The following NELL1 variants were observed in gnomAD, a reference collection of about 807,000 sequenced individuals.
The protein encoded by NELL1 is neural EGFL like 1.
A neutral mutation model predicts 107.4 loss-of-function variants in NELL1; 76 were observed. The observed-to-expected ratio is 0.71, with a 90% CI of 0.59 to 0.86. The LOEUF (loss-of-function observed/expected upper bound fraction) is 0.86. Among genes scored for constraint, NELL1 ranks in the 40% least tolerant of loss-of-function variants. The pLI is 0.00. For synonymous variants in NELL1, 353 were observed against 341.2 expected (o/e 1.03, Z -0.38); for missense variants, 1,024 against 1,005.5 (o/e 1.02, Z -0.25).
chr11:20,827,220 C>T (rs1750222804), intron 3 of NELL1, among the ~76,000 whole-genome samples: 1 of 151,178 alleles, frequency 6.6e-6, no homozygotes, highest in African/African-American at 2.4e-5. Flanking sequence ...ATTGGAAGAG[C>T]CTGAGTGACC....
At chr11:20,701,138 G>A (rs951175173) in intron 2 of NELL1, among the ~76,000 whole-genome samples, 3 of 152,148 alleles carry the variant, frequency 2.0e-5, no homozygotes, top group Non-Finnish European at 2.9e-5. Flanking sequence ...GTGTAAAAGT[G>A]TTCCTATTTC....
At chr11:21,488,075 A>G (rs1368480453) in intron 15 of NELL1, among the ~76,000 whole-genome samples, 1 of 149,990 alleles carries the variant, frequency 6.7e-6, no homozygotes, top group African/African-American at 2.4e-5. Flanking sequence ...ACTTCAGTTC[A>G]GAAATACTTT....
chr11:21,433,043 C>T (rs1462590779), intron 15 of NELL1, among the ~76,000 whole-genome samples: 1 of 152,138 alleles, frequency 6.6e-6, no homozygotes, highest in Non-Finnish European at 1.5e-5. Flanking sequence ...CCTATAATGA[C>T]CATAATTTTA....
chr11:20,829,223 A>ATTT (rs758970966), intron 3 of NELL1, among the ~76,000 whole-genome samples: 95 of 118,838 alleles, frequency 8.0e-4, no homozygotes, highest in African/African-American at 1.6e-3. Flanking sequence ...CTGCAGGACT[A>ATTT]TTTTTTTTTT....
rs188889169 is a variant in NELL1 at position 20,783,051 on chromosome 11, C to T, written c.185-629C>T. Among the ~76,000 whole-genome samples, 34 of 152,262 alleles carry T rather than the reference C, an allele frequency of 2.2e-4. No individual in the cohort carries two copies. In the South Asian group the frequency reaches 2.3e-3, roughly 10 times the overall value. Reference sequence around the variant, plus strand: ...CATGCTTATGGAGAAATTCCAGGCACGGGTGTGGAGCATGAGCATGCCTTG... The same window carrying T: ...CATGCTTATGGAGAAATTCCAGGCATGGGTGTGGAGCATGAGCATGCCTTG... On this transcript the variant is annotated intron_variant, in intron 2 of 19. Transcript: ENST00000357134.
chr11:21,344,033 C>G (rs1046741194), intron 14 of NELL1, among the ~76,000 whole-genome samples: 19 of 152,144 alleles, frequency 1.2e-4, no homozygotes, highest in African/African-American at 4.6e-4. Context: ...AGATGTGCCC[C>G]ATTTGAAGAA....
intron 2 of NELL1, among the ~76,000 whole-genome samples, chr11:20,772,344 T>C (rs1856657046): frequency 6.6e-6 from 1 of 152,142 alleles, no homozygotes; most frequent in African/African-American, 2.4e-5. Context: ...CACAATAAGC[T>C]ACAAAGTTGG....
chr11:21,132,679 C>T (rs531021623), intron 13 of NELL1, among the ~76,000 whole-genome samples: 1 of 151,678 alleles, frequency 6.6e-6, no homozygotes, highest in Non-Finnish European at 1.5e-5. Context: ...CACAGAGCCC[C>T]AAAGAAGATG....
intron 15 of NELL1, among the ~76,000 whole-genome samples, chr11:21,479,221 AAG>A (rs962310054): frequency 6.6e-6 from 1 of 150,594 alleles, no homozygotes; most frequent in African/African-American, 2.4e-5. Context: ...CTGTCCATCA[AAG>A]AGATATCTAC....
intron 2 of NELL1, among the ~76,000 whole-genome samples, chr11:20,690,068 G>A (rs1231549869): frequency 5.3e-5 from 8 of 152,126 alleles, no homozygotes; most frequent in Admixed American, 2.0e-4. Context: ...GTGTCTTCTG[G>A]CTGCATAAAT....
At chr11:21,447,502 C>G (rs145223384) in intron 15 of NELL1, among the ~76,000 whole-genome samples, 79 of 152,244 alleles carry the variant, frequency 5.2e-4, no homozygotes, top group African/African-American at 1.8e-3. Flanking sequence ...TGAATAATGC[C>G]AGGACTGGGT....
At chr11:20,880,324 A>G (rs1236959432) in intron 4 of NELL1, among the ~76,000 whole-genome samples, 1 of 152,248 alleles carries the variant, frequency 6.6e-6, no homozygotes, top group African/African-American at 2.4e-5. Flanking sequence ...GCAGCTCCAC[A>G]TTCTTAGGTA....
At chr11:21,249,227 T>C (rs886373177) in intron 14 of NELL1, among the ~76,000 whole-genome samples, 1 of 152,184 alleles carries the variant, frequency 6.6e-6, no homozygotes, top group Non-Finnish European at 1.5e-5. Flanking sequence ...ATATTTGGTG[T>C]AGAGATTATG....
At chr11:20,981,568 C>A (rs1851750275) in intron 12 of NELL1, among the ~76,000 whole-genome samples, 1 of 152,136 alleles carries the variant, frequency 6.6e-6, no homozygotes, top group Admixed American at 6.6e-5. Flanking sequence ...CAGAGCAGAG[C>A]CATACTGGGG....
At chr11:21,476,961 G>T (rs1014732170) in intron 15 of NELL1, among the ~76,000 whole-genome samples, 1 of 152,104 alleles carries the variant, frequency 6.6e-6, no homozygotes, top group East Asian at 1.9e-4. Context: ...CCTGAGTTCT[G>T]GCAAGGCTCC....
intron 2 of NELL1, among the ~76,000 whole-genome samples, chr11:20,755,536 T>TTTTTTTTTTG: frequency 5.1e-5 from 2 of 39,286 alleles, no homozygotes; most frequent in African/African-American, 1.6e-4. Flanking sequence ...CTGTGTGGGT[T>TTTTTTTTTTG]TTTGTTTTTT....
At chr11:20,716,897 T>C (rs1855264561) in intron 2 of NELL1, among the ~76,000 whole-genome samples, 1 of 150,100 alleles carries the variant, frequency 6.7e-6, no homozygotes, top group Admixed American at 6.6e-5. Flanking sequence ...GTTTACAAAA[T>C]TATCTAAATG....
chr11:21,198,144 T>G (rs1426371254), intron 13 of NELL1, among the ~76,000 whole-genome samples: 1 of 152,182 alleles, frequency 6.6e-6, no homozygotes, highest in Non-Finnish European at 1.5e-5. Context: ...CCTCCAAGGC[T>G]GGACTCAGCT....
At chr11:20,702,761 A>C (rs544253463) in intron 2 of NELL1, among the ~76,000 whole-genome samples, 14 of 152,318 alleles carry the variant, frequency 9.2e-5, no homozygotes, top group African/African-American at 3.1e-4. Flanking sequence ...GCATCTATTG[A>C]GAAATCATGT....
Sources: allele counts gnomAD v4.1 joint callset (sites outside exome capture counted in the v4.1 genomes callset), GRCh38; gene constraint gnomAD v4.1.1; transcripts MANE v1.5; gene names NCBI Gene and HGNC (gene_info 2026-07-23, HGNC 2026-07-21).